The following ZNF708 variants were observed in gnomAD, a reference collection of about 807,000 sequenced individuals.
ZNF708 encodes the protein ZNF15, ZNF15L1.
A neutral mutation model predicts 47.0 loss-of-function variants in ZNF708; 44 were observed. The ratio of observed to expected loss-of-function variants is 0.94; its 90% CI spans 0.74 to 1.20. The LOEUF (loss-of-function observed/expected upper bound fraction) is 1.20, where lower values mean the gene tolerates loss of function less well. ZNF708 is among the 50% of genes most tolerant of loss of function. The probability of loss-of-function intolerance (pLI) is 0.00; values close to 1 mark genes in which losing one functional copy is unlikely to be tolerated. For synonymous variants in ZNF708, 184 were observed against 218.5 expected (o/e 0.84, Z 1.39); for missense variants, 557 against 656.0 (o/e 0.85, Z 1.65).
chr19:21,293,515 C>A lies in ZNF708; in HGVS notation c.1451G>T (p.Ser484Ile), dbSNP rs773306265. The change falls in exon 4 of 4, where the codon AGC (serine) becomes ATC (isoleucine). Residue 484 changes from serine to isoleucine, a missense_variant. Coordinates refer to ENST00000356929, the MANE Select transcript of ZNF708 (RefSeq NM_021269.3). ...KPYKCEECGKSFILSSHLTTH... is the reference protein window; with the variant it reads ...KPYKCEECGKIFILSSHLTTH... ...AGTAAGATGAGAGGACAGAATAAAG[C>A]TTTTGCCACATTCTTCACACTTATA... The A allele has an allele frequency of 2.5e-6, 4 of 1,610,124 alleles. No individual in the cohort carries two copies. Among genetic ancestry groups the A allele is most frequent in the South Asian group, 1.1e-5 (1 of 90,794 alleles).
chr19:21,316,105 CCTTTT>C lies in ZNF708; in HGVS notation c.4-5483_4-5479del, dbSNP rs201200793. On this transcript the variant is annotated intron_variant, in intron 1 of 3. Coordinates refer to ENST00000356929, the MANE Select transcript of ZNF708 (RefSeq NM_021269.3). Reference sequence around the variant, plus strand: ...AACCTTTTATATAGGAAATGCAAATCCTTTTCTTTTCTTTTCTTTTCTTTTTTCTT... The same window carrying C: ...AACCTTTTATATAGGAAATGCAAATCCTTTTCTTTTCTTTTCTTTTTTCTT... 6.3e-3 allele frequency among the ~76,000 whole-genome samples: 931 copies of C among 147,144 alleles called. 15 individuals are homozygous for C. Among genetic ancestry groups the C allele is most frequent in the African/African-American group, 0.02 (796 of 39,758 alleles).
Position 21,291,182 on chromosome 19 carries a change from A to G in ZNF708, c.*2092T>C, listed in dbSNP as rs1308928293. On this transcript the variant is annotated 3_prime_UTR_variant, in exon 4 of 4. Coordinates refer to ENST00000356929, the MANE Select transcript of ZNF708 (RefSeq NM_021269.3). ...ATCTGAAAATTTAAAAATGTACTGC[A>G]TTTTATTACATAAAAGTACAAATAG... is the stretch of plus-strand genomic sequence containing the variant. The G allele has an allele frequency of 6.8e-6, 1 of 147,602 alleles. No homozygotes were observed. The highest frequency in any genetic ancestry group is 1.5e-5 in the Non-Finnish European group (1 of 67,336). The allele number at this position is 147,602 out of a possible 1,614,324, so 9.1% of individuals were successfully genotyped here.
At chr19:21,310,727 G>T in intron 1 of ZNF708, 100 bp from the exon 2 acceptor site, 1 of 994,388 alleles carries the variant, frequency 1.0e-6, no homozygotes, top group Non-Finnish European at 1.3e-6. Flanking sequence ...AACTGGTTCT[G>T]ACTTATAGGA....
chr19:21,301,995 T>A (rs1238204438), intron 3 of ZNF708, among the ~76,000 whole-genome samples: 2 of 152,148 alleles, frequency 1.3e-5, no homozygotes, highest in Non-Finnish European at 1.5e-5. Context: ...GCACTGTGGT[T>A]CGGGCCTATG....
chr19:21,321,087 G>C (rs1185224552), intron 1 of ZNF708, among the ~76,000 whole-genome samples: 1 of 152,074 alleles, frequency 6.6e-6, no homozygotes, highest in East Asian at 1.9e-4. Context: ...CTTGCAGTGA[G>C]CAGAGATCGT....
At chr19:21,316,293 T>C (rs1278671863) in intron 1 of ZNF708, among the ~76,000 whole-genome samples, 1 of 151,206 alleles carries the variant, frequency 6.6e-6, no homozygotes, top group Non-Finnish European at 1.5e-5. Context: ...CCTGGCTAAT[T>C]TTTTGTATTT....
Position 21,321,251 on chromosome 19 carries a change from G to A in ZNF708, c.3+7959C>T, listed in dbSNP as rs62107475. Among the ~76,000 whole-genome samples, 335 of 152,130 alleles carry A rather than the reference G, an allele frequency of 2.2e-3. 3 individuals are homozygous for A. The highest frequency in any genetic ancestry group is 3.4e-3 in the Middle Eastern group (1 of 292). On this transcript the variant is annotated intron_variant, in intron 1 of 3. Transcript: ENST00000356929. Reference sequence around the variant, plus strand: ...TAATAAGAACACATGGACACAAAGTGGGGAACAACAGTAACTGAGGCCTAC... The same window carrying A: ...TAATAAGAACACATGGACACAAAGTAGGGAACAACAGTAACTGAGGCCTAC...
Position 21,292,198 on chromosome 19 carries a change from A to AT in ZNF708, c.*1075dup, listed in dbSNP as rs1445943729. ...AGGCACGTGCCGCCACGCCCAGCTAATTTTTGTATTTTTAGTAGAGACAGG... is the reference window on the plus strand; with the variant it reads ...AGGCACGTGCCGCCACGCCCAGCTAATTTTTTGTATTTTTAGTAGAGACAGG... On this transcript the variant is annotated 3_prime_UTR_variant, in exon 4 of 4. Coordinates refer to ENST00000356929, the MANE Select transcript of ZNF708 (RefSeq NM_021269.3). The AT allele has an allele frequency of 1.3e-5, 2 of 152,016 alleles. No individual in the cohort carries two copies. Among genetic ancestry groups the AT allele is most frequent in the Non-Finnish European group, 2.9e-5 (2 of 68,080 alleles). The allele number at this position is 152,016 out of a possible 1,614,324, so 9.4% of individuals were successfully genotyped here.
In ZNF708 at chr19:21,293,418, G is replaced by A. The variant is rs1269767905; in HGVS notation, c.1548C>T (p.Ser516=). 3.1e-6 allele frequency: 5 copies of A among 1,613,270 alleles called. No individual in the cohort carries two copies. The highest frequency in any genetic ancestry group is 4.2e-6 in the Non-Finnish European group (5 of 1,179,746). The part of the protein sequence containing the change: ...CKECGKAFNQ[S]STLMKHKIIH... Reference sequence around the variant, plus strand: ...TTATCTTATGTTTCATAAGGGTTGAGGACTGGTTAAAAGCTTTGCCACATT... The same window carrying A: ...TTATCTTATGTTTCATAAGGGTTGAAGACTGGTTAAAAGCTTTGCCACATT... Residue 516 remains serine, a synonymous_variant, in exon 4 of 4, where the codon TCC becomes TCT. Coordinates refer to ENST00000356929, the MANE Select transcript of ZNF708 (RefSeq NM_021269.3).
At chr19:21,317,252 C>A (rs1973034936) in intron 1 of ZNF708, among the ~76,000 whole-genome samples, 2 of 152,018 alleles carry the variant, frequency 1.3e-5, no homozygotes, top group South Asian at 4.2e-4. Flanking sequence ...TGCACTCCAG[C>A]CTGGGCAATG....
chr19:21,311,964 T>G (rs1972907099), intron 1 of ZNF708, among the ~76,000 whole-genome samples: 1 of 152,042 alleles, frequency 6.6e-6, no homozygotes, highest in African/African-American at 2.4e-5. Context: ...CATACTCAAT[T>G]CTAGCCTCAT....
At chr19:21,299,948 T>C (rs1972620496) in intron 3 of ZNF708, among the ~76,000 whole-genome samples, 1 of 152,072 alleles carries the variant, frequency 6.6e-6, no homozygotes, top group African/African-American at 2.4e-5. Context: ...TTTCTAACAC[T>C]ATTCACTTAG....
At chr19:21,323,506 C>T (rs529571150) in intron 1 of ZNF708, among the ~76,000 whole-genome samples, 4 of 152,256 alleles carry the variant, frequency 2.6e-5, no homozygotes, top group Non-Finnish European at 5.9e-5. Context: ...CTTGTTTGTT[C>T]CTCCTTAGGA....
At chr19:21,298,148 G>T (rs919931088) in intron 3 of ZNF708, among the ~76,000 whole-genome samples, 2 of 151,918 alleles carry the variant, frequency 1.3e-5, no homozygotes, top group African/African-American at 4.8e-5. Flanking sequence ...TATTAGCAAG[G>T]GAATAGAAAA....
intron 3 of ZNF708, among the ~76,000 whole-genome samples, chr19:21,295,020 T>C (rs1972501278): frequency 6.6e-6 from 1 of 152,212 alleles, no homozygotes; most frequent in South Asian, 2.1e-4. Flanking sequence ...ACACACCTCT[T>C]TCTGCTGCCC....
At chr19:21,310,401 C>T (rs1415276634) in intron 2 of ZNF708, 100 bp downstream of exon 2, 20 of 471,780 alleles carry the variant, frequency 4.2e-5, no homozygotes, top group African/African-American at 6.5e-5. Flanking sequence ...GCCAAGATTG[C>T]GCCACTGCAC....
intron 1 of ZNF708, among the ~76,000 whole-genome samples, chr19:21,317,728 G>A (rs370955108): frequency 2.6e-5 from 4 of 152,176 alleles, no homozygotes; most frequent in South Asian, 2.1e-4. Context: ...TCCACAAGTC[G>A]AAGAATTTAC....
chr19:21,309,432 GCA>G, intron 2 of ZNF708, 91 bp from the exon 3 acceptor site: 1 of 1,227,434 alleles, frequency 8.1e-7, no homozygotes, highest in Non-Finnish European at 1.1e-6. Context: ...TGTAGGCCAG[GCA>G]CAGTGGCTCA....
At position 21,322,872 on chromosome 19, in the gene ZNF708, C is replaced by T. The variant is rs146808323; in HGVS notation, c.3+6338G>A. Among the ~76,000 whole-genome samples, 1,153 of 152,284 alleles carry T rather than the reference C, an allele frequency of 7.6e-3. 11 individuals are homozygous for T. Among genetic ancestry groups the T allele is most frequent in the Non-Finnish European group, 9.4e-3 (642 of 68,024 alleles). The stretch of plus-strand genomic sequence containing the variant: ...TGTCAGCACAGGCCCTGACTCAGTC[C>T]CACACTGTCCTTACGGCAGATGCCA... On this transcript the variant is annotated intron_variant, in intron 1 of 3. Transcript: ENST00000356929.
Sources: gnomAD v4.1 joint callset for allele counts (sites outside exome capture counted in the v4.1 genomes callset) on GRCh38, gnomAD v4.1.1 for gene constraint, MANE v1.5 for transcripts, NCBI Gene and HGNC (gene_info 2026-07-23, HGNC 2026-07-21) for gene names.